CALN1: variants seen among roughly 807,000 people sequenced by gnomAD.
CALN1 encodes calcium-binding protein 8.
In CALN1, 17 loss-of-function variants were observed where a neutral mutation model predicts 30.6. That is an observed-to-expected ratio of 0.56 (90% CI 0.38 to 0.83). The LOEUF is 0.83. Ranked by LOEUF, CALN1 falls within the 40% of genes least tolerant of loss-of-function variation. CALN1 has a pLI of 0.00. For synonymous variants in CALN1, 156 were observed against 131.4 expected (o/e 1.19, Z -1.28); for missense variants, 291 against 354.9 (o/e 0.82, Z 1.45).
chr7:72,342,618 G>C (rs1802434988), intron 2 of CALN1, among the ~76,000 whole-genome samples: 1 of 152,140 alleles, frequency 6.6e-6, no homozygotes, highest in Admixed American at 6.5e-5. Context: ...GAAACAGTGA[G>C]GAGTCAATTT....
intron 4 of CALN1, among the ~76,000 whole-genome samples, chr7:72,053,295 C>T (rs1339496718): frequency 6.6e-6 from 1 of 152,138 alleles, no homozygotes; most frequent in Non-Finnish European, 1.5e-5. Context: ...CAAAGACTCC[C>T]AGAAAGTAAA....
At chr7:72,133,959 A>C (rs556412841) in intron 3 of CALN1, among the ~76,000 whole-genome samples, 2 of 152,334 alleles carry the variant, frequency 1.3e-5, no homozygotes, top group South Asian at 2.1e-4. Context: ...TCTCTTCAAA[A>C]TTCTTCAAAA....
intron 5 of CALN1, among the ~76,000 whole-genome samples, chr7:71,840,049 A>G (rs892317071): frequency 6.6e-6 from 1 of 152,230 alleles, no homozygotes; most frequent in Non-Finnish European, 1.5e-5. Flanking sequence ...CACAGATTCA[A>G]CCAACCCTGA....
intron 1 of CALN1, among the ~76,000 whole-genome samples, chr7:72,406,831 G>T (rs1382632874): frequency 6.6e-6 from 1 of 152,090 alleles, no homozygotes; most frequent in East Asian, 1.9e-4. Flanking sequence ...GGCCAGGCTG[G>T]TCTTGAACTT....
At chr7:72,448,155 T>C (rs899667303), upstream of CALN1, among the ~76,000 whole-genome samples, 3 of 152,038 alleles carry the variant, frequency 2.0e-5, no homozygotes, top group African/African-American at 7.2e-5. Flanking sequence ...CACACACATC[T>C]TCCCATGCAC....
chr7:72,359,735 G>A (rs770579904), intron 2 of CALN1, among the ~76,000 whole-genome samples: 1 of 152,028 alleles, frequency 6.6e-6, no homozygotes, highest in Non-Finnish European at 1.5e-5. Flanking sequence ...CAGCACTTTG[G>A]GAGGCTGAGG....
chr7:72,346,420 A>C (rs1032212881), intron 2 of CALN1, among the ~76,000 whole-genome samples: 32 of 152,202 alleles, frequency 2.1e-4, no homozygotes, highest in Admixed American at 4.6e-4. Flanking sequence ...ATGAAGATGT[A>C]ATACTCTTAC....
At chr7:72,492,116 T>G in the CALN1 span, among the ~76,000 whole-genome samples, 2 of 152,136 alleles carry the variant, frequency 1.3e-5, no homozygotes, top group Admixed American at 1.3e-4. Context: ...TTACAACTAC[T>G]GCAAACAACA....
intron 3 of CALN1, among the ~76,000 whole-genome samples, chr7:72,165,550 T>A (rs1411520453): frequency 2.0e-5 from 3 of 151,886 alleles, no homozygotes; most frequent in African/African-American, 7.3e-5. Flanking sequence ...ATCACACCAC[T>A]GCACTCCAGC....
chr7:72,308,370 G>GGGGGGAGAGAGA (rs1799800200), intron 2 of CALN1, among the ~76,000 whole-genome samples: 1 of 90,242 alleles, frequency 1.1e-5, no homozygotes, highest in Non-Finnish European at 2.2e-5. Flanking sequence ...TCTGTGGGGG[G>GGGGGGAGAGAGA]GGGAGAGAGA....
At chr7:72,247,224 TTTC>T (rs1562791277) in intron 3 of CALN1, among the ~76,000 whole-genome samples, 1 of 79,216 alleles carries the variant, frequency 1.3e-5, no homozygotes, top group African/African-American at 5.3e-5. Context: ...GACCATTTTC[TTTC>T]TTTTTTTTTT....
At chr7:72,282,426 G>A (rs1404641760) in intron 2 of CALN1, among the ~76,000 whole-genome samples, 2 of 152,144 alleles carry the variant, frequency 1.3e-5, no homozygotes, top group Non-Finnish European at 1.5e-5. Context: ...TGGAATCTAA[G>A]ACTCTAATGT....
In CALN1 at chr7:72,181,929, G is replaced by A. The variant is rs114123987; in HGVS notation, c.245-75635C>T. 2.4e-3 allele frequency among the ~76,000 whole-genome samples: 363 copies of A among 152,248 alleles called. 1 individual carries two copies. Among genetic ancestry groups the A allele is most frequent in the African/African-American group, 8.5e-3 (354 of 41,552 alleles). Reference sequence around the variant, plus strand: ...TGTACCAGCACTATCCAAAGTAACTGGACTACAAAGACAGGTATAGCATGT... The same window carrying A: ...TGTACCAGCACTATCCAAAGTAACTAGACTACAAAGACAGGTATAGCATGT... On this transcript the variant is annotated intron_variant, in intron 3 of 6. Transcript: ENST00000395275.
At chr7:72,169,405 G>A (rs1360632450) in intron 3 of CALN1, among the ~76,000 whole-genome samples, 5 of 151,774 alleles carry the variant, frequency 3.3e-5, no homozygotes, top group Admixed American at 1.3e-4. Context: ...CTGCAGCCTC[G>A]AGCTCCTGGG....
At chr7:72,433,337 C>A (rs1324788401) in intron 1 of CALN1, among the ~76,000 whole-genome samples, 1 of 152,146 alleles carries the variant, frequency 6.6e-6, no homozygotes, top group African/African-American at 2.4e-5. Context: ...TCTTAGCATG[C>A]ATCAGCTGTG....
intron 5 of CALN1, among the ~76,000 whole-genome samples, chr7:71,978,262 C>CTATTTTTTTTTT (rs1173448154): frequency 1.4e-5 from 1 of 72,950 alleles, no homozygotes; most frequent in Non-Finnish European, 2.6e-5. Flanking sequence ...CTAGAGAATT[C>CTATTTTTTTTTT]TTTTTTTTTT....
At chr7:72,078,638 C>T (rs114047679) in intron 4 of CALN1, among the ~76,000 whole-genome samples, 6 of 151,988 alleles carry the variant, frequency 3.9e-5, no homozygotes, top group African/African-American at 1.4e-4. Context: ...TGAGTAAGAA[C>T]ACTGTCAGGG....
chr7:72,035,925 C>T (rs574867739), intron 4 of CALN1, among the ~76,000 whole-genome samples: 2 of 152,272 alleles, frequency 1.3e-5, no homozygotes, highest in Admixed American at 6.5e-5. Context: ...CATAATTGCA[C>T]CTTTATTGTG....
At chr7:72,000,249 C>A (rs879566702) in intron 5 of CALN1, among the ~76,000 whole-genome samples, 8 of 148,948 alleles carry the variant, frequency 5.4e-5, no homozygotes, top group African/African-American at 9.9e-5. Context: ...GCATATTTTT[C>A]AAAAAAAAAG....
Sources: gnomAD v4.1 joint callset for allele counts (sites outside exome capture counted in the v4.1 genomes callset) on GRCh38, gnomAD v4.1.1 for gene constraint, MANE v1.5 for transcripts, NCBI Gene and HGNC (gene_info 2026-07-23, HGNC 2026-07-21) for gene names.